The following CEP128 variants were observed in gnomAD, a reference collection of about 807,000 sequenced individuals.
CEP128 encodes the protein centrosomal protein 128kDa.
A neutral mutation model predicts 156.7 loss-of-function variants in CEP128; 132 were observed. The observed-to-expected ratio is 0.84, with a 90% confidence interval of 0.73 to 0.97. CEP128 has a LOEUF of 0.97. CEP128 is among the 50% of genes least tolerant of loss of function. The probability of loss-of-function intolerance (pLI) is 0.00; values close to 1 mark genes in which losing one functional copy is unlikely to be tolerated. For synonymous variants in CEP128, 469 were observed against 448.9 expected, an observed-to-expected ratio of 1.04 and a Z score of -0.57; for missense variants, 1,252 against 1,281.9, an observed-to-expected ratio of 0.98 and a Z score of 0.36.
intron 19 of CEP128, among the ~76,000 whole-genome samples, chr14:80,718,308 T>C (rs1033904203): frequency 3.3e-5 from 5 of 152,206 alleles, no homozygotes; most frequent in Non-Finnish European, 5.9e-5. Context: ...ATTTCATCTT[T>C]TCAGCAAAAG....
intron 19 of CEP128, among the ~76,000 whole-genome samples, chr14:80,618,206 T>G (rs1001632783): frequency 5.3e-5 from 8 of 152,256 alleles, no homozygotes; most frequent in African/African-American, 1.7e-4. Flanking sequence ...TCCATCAATT[T>G]TATTCCATAT....
At chr14:80,892,286 G>T (rs1889138835) in intron 8 of CEP128, among the ~76,000 whole-genome samples, 1 of 151,782 alleles carries the variant, frequency 6.6e-6, no homozygotes, top group Admixed American at 6.6e-5. Context: ...TTTTGACAGG[G>T]GCACCAATAG....
rs550655429 is a variant in CEP128 at position 80,789,944 on chromosome 14, A to G, written c.1560+2816T>C. On this transcript the variant is annotated intron_variant, in intron 14 of 24. Transcript: ENST00000555265. ...GCAGGCAGATGGCTGGATTATACTA[A>G]TACATACTCTAGCATTTCTTGAACT... 4.6e-5 allele frequency among the ~76,000 whole-genome samples: 7 copies of G among 152,122 alleles called. No homozygotes were observed. In the South Asian group the frequency reaches 1.5e-3, roughly 32 times the overall value.
intron 19 of CEP128, among the ~76,000 whole-genome samples, chr14:80,692,005 G>A (rs1439817822): frequency 6.6e-6 from 1 of 152,126 alleles, no homozygotes; most frequent in Admixed American, 6.5e-5. Flanking sequence ...CGGACAGGCT[G>A]GATGCAAGGG....
chr14:80,626,470 CAAAA>C (rs60238276), intron 19 of CEP128, among the ~76,000 whole-genome samples: 1 of 80,682 alleles, frequency 1.2e-5, no homozygotes, highest in Non-Finnish European at 2.3e-5. Context: ...GACTCCGTCT[CAAAA>C]AAAAAAAAAA....
chr14:80,596,045 T>A (rs1471291779), intron 19 of CEP128, among the ~76,000 whole-genome samples: 5 of 90,814 alleles, frequency 5.5e-5, no homozygotes, highest in East Asian at 2.9e-4. Flanking sequence ...CCAAACCATA[T>A]CAGCAGGGAA....
At chr14:80,606,751 C>A (rs1461971720) in intron 19 of CEP128, among the ~76,000 whole-genome samples, 1 of 152,060 alleles carries the variant, frequency 6.6e-6, no homozygotes, top group Admixed American at 6.6e-5. Flanking sequence ...ACAATGACCT[C>A]TTTTCCCAAC....
chr14:80,756,850 T>C (rs1365244785), intron 18 of CEP128, 42 bp downstream of exon 18: 1 of 1,295,848 alleles, frequency 7.7e-7, no homozygotes, highest in East Asian at 2.3e-5. Context: ...GGCTTAAAGA[T>C]CATAAATATT....
At chr14:80,595,178 G>A (rs978333149) in intron 19 of CEP128, among the ~76,000 whole-genome samples, 1 of 152,206 alleles carries the variant, frequency 6.6e-6, no homozygotes, top group South Asian at 2.1e-4. Flanking sequence ...GCAGGGACAT[G>A]GATGAAGTGG....
chr14:80,895,619 C>A, intron 8 of CEP128, 99 bp downstream of exon 8: 7 of 740,444 alleles, frequency 9.5e-6, no homozygotes, highest in Non-Finnish European at 1.5e-5. Context: ...GGACATACCA[C>A]CCAAAAGGTT....
At chr14:80,802,879 C>G (rs61979448) in intron 13 of CEP128, among the ~76,000 whole-genome samples, 48,515 of 151,878 alleles carry the variant, frequency 0.32, 8,776 homozygotes, top group Non-Finnish European at 0.4. Context: ...TCCTTTTAAA[C>G]AGGAATGGAC....
chr14:80,570,386 G>C (rs1891088666), intron 20 of CEP128, among the ~76,000 whole-genome samples: 1 of 152,130 alleles, frequency 6.6e-6, no homozygotes, highest in Non-Finnish European at 1.5e-5. Context: ...AAAGTGCTGG[G>C]ATTACAGGCG....
chr14:80,948,553 A>G (rs1024272391), intron 2 of CEP128, among the ~76,000 whole-genome samples: 1 of 152,228 alleles, frequency 6.6e-6, no homozygotes, highest in Non-Finnish European at 1.5e-5. Flanking sequence ...GGAATGCTCC[A>G]CTTTAATGGG....
chr14:80,729,955 G>A (rs534560802), intron 19 of CEP128, among the ~76,000 whole-genome samples: 9 of 152,070 alleles, frequency 5.9e-5, no homozygotes, highest in Admixed American at 3.9e-4. Flanking sequence ...AACTCAGCAT[G>A]AACAAAGACA....
chr14:80,541,218 C>T (rs754455177), intron 21 of CEP128, among the ~76,000 whole-genome samples: 3 of 152,078 alleles, frequency 2.0e-5, no homozygotes, highest in Non-Finnish European at 4.4e-5. Flanking sequence ...TTGGCACTAG[C>T]CATAGTCCAC....
chr14:80,895,372 T>C (rs1889297195), intron 8 of CEP128, among the ~76,000 whole-genome samples: 2 of 152,138 alleles, frequency 1.3e-5, no homozygotes, highest in South Asian at 2.1e-4. Flanking sequence ...TCAAATATCA[T>C]TTCATAAAAA....
chr14:80,773,408 CAT>C (rs1362835137), intron 16 of CEP128, among the ~76,000 whole-genome samples: 1 of 151,866 alleles, frequency 6.6e-6, no homozygotes, highest in Non-Finnish European at 1.5e-5. Context: ...ATGAAGAAAA[CAT>C]ATGCAGTATA....
chr14:80,600,368 G>A (rs1466667453), intron 19 of CEP128, among the ~76,000 whole-genome samples: 1 of 152,128 alleles, frequency 6.6e-6, no homozygotes, highest in Non-Finnish European at 1.5e-5. Context: ...GAGAAAAAGA[G>A]ATAATCTTGA....
chr14:80,539,646 A>G (rs997956843), intron 21 of CEP128, among the ~76,000 whole-genome samples: 2 of 152,172 alleles, frequency 1.3e-5, no homozygotes, highest in Admixed American at 6.5e-5. Flanking sequence ...AGAACAGAAC[A>G]GCAGCAATTT....
Sources: allele counts gnomAD v4.1 joint callset (sites outside exome capture counted in the v4.1 genomes callset), GRCh38; gene constraint gnomAD v4.1.1; transcripts MANE v1.5; gene names NCBI Gene and HGNC (gene_info 2026-07-23, HGNC 2026-07-21).